The following ADGRE3 variants were observed in gnomAD, a reference collection of about 807,000 sequenced individuals.
ADGRE3 encodes EGF-like module receptor 3.
In ADGRE3, 88 loss-of-function variants were observed where a neutral mutation model predicts 80.1. The ratio of observed to expected loss-of-function variants is 1.10; its 90% CI spans 0.93 to 1.31. The LOEUF is 1.31. Ranked by LOEUF, ADGRE3 falls within the 40% of genes most tolerant of loss-of-function variation. The pLI is 0.00. For synonymous variants in ADGRE3, 281 were observed against 294.8 expected (o/e 0.95, Z 0.48); for missense variants, 715 against 776.5 (o/e 0.92, Z 0.94).
At chr19:14,652,609 A>G (rs74529297) in intron 6 of ADGRE3, among the ~76,000 whole-genome samples, 1 of 151,688 alleles carries the variant, frequency 6.6e-6, no homozygotes, top group Non-Finnish European at 1.5e-5. Context: ...GTGAAATCCC[A>G]TTCTACTAAT....
At chr19:14,618,212 A>G (rs1279784861), downstream of ADGRE3, among the ~76,000 whole-genome samples, 2 of 152,154 alleles carry the variant, frequency 1.3e-5, no homozygotes, top group African/African-American at 4.8e-5. Context: ...TAATTAATAT[A>G]CGATTACCTC....
intron 12 of ADGRE3, 51 bp downstream of exon 12, chr19:14,633,185 G>C (rs1462736288): frequency 6.6e-7 from 1 of 1,517,340 alleles, no homozygotes; most frequent in Admixed American, 1.7e-5. Flanking sequence ...CTTGTACCCA[G>C]CACTTCTCTT....
In ADGRE3 at chr19:14,620,566, ATATTTTTTTTTTTT is replaced by A. The variant is rs1970569949; in HGVS notation, c.1921-1109_1921-1096del. 3.2e-3 allele frequency among the ~76,000 whole-genome samples: 52 copies of A among 16,048 alleles called. 10 individuals are homozygous for A. In the East Asian group the frequency reaches 0.033, roughly 10 times the overall value. The allele number at this position is 16,048 out of a possible 152,430, so 10.5% of individuals were successfully genotyped here. ...ATATATATTATATATATATATATATATATTTTTTTTTTTTTTTTTTTTTTTTTTTTTGAGACAGG... is the reference window on the plus strand; with the variant it reads ...ATATATATTATATATATATATATATATTTTTTTTTTTTTTTTTGAGACAGG... On this transcript the variant is annotated intron_variant, in intron 15 of 15. Transcript: ENST00000253673.
chr19:14,668,063 G>A (rs1019005651), intron 2 of ADGRE3, among the ~76,000 whole-genome samples: 1 of 152,092 alleles, frequency 6.6e-6, no homozygotes, highest in African/African-American at 2.4e-5. Context: ...AGACCAGCCT[G>A]GGTGTCATGG....
chr19:14,639,791 C>T (rs1199497305), intron 10 of ADGRE3, among the ~76,000 whole-genome samples: 1 of 152,100 alleles, frequency 6.6e-6, no homozygotes, highest in Admixed American at 6.5e-5. Context: ...CCCCTATTTG[C>T]CTAAAAGCAG....
downstream of ADGRE3, among the ~76,000 whole-genome samples, chr19:14,617,414 T>A (rs1305129973): frequency 6.8e-6 from 1 of 147,998 alleles, no homozygotes; most frequent in Non-Finnish European, 1.5e-5. Context: ...TTTCTCTCTT[T>A]CTTGATGGAG....
intron 3 of ADGRE3, 54 bp from the exon 4 acceptor site, chr19:14,662,172 G>C: frequency 6.4e-7 from 1 of 1,572,388 alleles, no homozygotes; most frequent in Non-Finnish European, 8.7e-7. Flanking sequence ...TTATTGAGCA[G>C]CTACTATGTG....
chr19:14,620,627 T>C (rs1041251899), intron 15 of ADGRE3, among the ~76,000 whole-genome samples: 2 of 122,144 alleles, frequency 1.6e-5, no homozygotes, highest in Non-Finnish European at 3.3e-5. Flanking sequence ...TCACCCAGGC[T>C]GGAGTGCAGT....
chr19:14,600,307 T>A, the ADGRE3 span: 1 of 1,154,084 alleles, frequency 8.7e-7, no homozygotes, highest in Non-Finnish European at 1.2e-6. Context: ...ACTAAAACTT[T>A]AACAGCAAGC....
chr19:14,617,341 C>CCTCCCTCTCTTTCTTT, downstream of ADGRE3, among the ~76,000 whole-genome samples: 400 of 57,258 alleles, frequency 7.0e-3, 5 homozygotes, highest in African/African-American at 0.015. Flanking sequence ...TCCCTCCCTC[C>CCTCCCTCTCTTTCTTT]CTTTCTTTCT....
At chr19:14,653,892 C>A (rs1038235694) in intron 6 of ADGRE3, among the ~76,000 whole-genome samples, 3 of 151,462 alleles carry the variant, frequency 2.0e-5, no homozygotes, top group African/African-American at 7.3e-5. Context: ...TATCCAGATT[C>A]CAGTTTTCCA....
intron 1 of ADGRE3, 59 bp downstream of exon 1, chr19:14,674,687 C>G (rs1430473300): frequency 1.3e-6 from 2 of 1,559,000 alleles, no homozygotes; most frequent in Non-Finnish European, 1.8e-6. Context: ...ATTGTTGAAC[C>G]AAGTGGTCCC....
At chr19:14,672,835 G>A (rs1170655876) in intron 1 of ADGRE3, among the ~76,000 whole-genome samples, 1 of 151,704 alleles carries the variant, frequency 6.6e-6, no homozygotes, top group African/African-American at 2.4e-5. Flanking sequence ...GTCTGGTCTT[G>A]AACTCCTGGC....
At chr19:14,647,633 G>A (rs530496356) in intron 7 of ADGRE3, among the ~76,000 whole-genome samples, 1 of 151,328 alleles carries the variant, frequency 6.6e-6, no homozygotes, top group Non-Finnish European at 1.5e-5. Flanking sequence ...GGCCAGGCTG[G>A]TCTCAAACTC....
intron 13 of ADGRE3, among the ~76,000 whole-genome samples, chr19:14,631,380 A>G (rs1240547995): frequency 6.6e-6 from 1 of 151,434 alleles, no homozygotes. Context: ...AATAAAAATA[A>G]TAATAAAAAA....
chr19:14,642,958 G>T (rs35805282), intron 9 of ADGRE3, among the ~76,000 whole-genome samples: 21,322 of 152,100 alleles, frequency 0.14, 1,675 homozygotes, highest in Admixed American at 0.19. Flanking sequence ...TAACAGGATT[G>T]CTGGGTTGAA....
At position 14,644,214 on chromosome 19, in the gene ADGRE3, T is replaced by G; in HGVS notation, c.944A>C (p.Gln315Pro). Residue 315 changes from glutamine (Q) to proline (P), a missense_variant, in exon 9 of 16, where the codon CAG (glutamine) becomes CCG (proline). Physicochemically the swap from Gln to Pro is moderately conservative, Grantham distance 76. Transcript: ENST00000253673. ...CAGGAAGCAGCCATCCCTGGACCAC[T>G]GGCTGCCCTGCCCTGTGCTCTTCCA... is the stretch of plus-strand genomic sequence containing the variant. ...VYWKSTGQGS[Q>P]WSRDGCFLIH... 1 of 1,608,158 alleles carries G rather than the reference T, an allele frequency of 6.2e-7. No homozygotes were observed. The highest frequency in any genetic ancestry group is 8.5e-7 in the Non-Finnish European group (1 of 1,177,382).
intron 8 of ADGRE3, among the ~76,000 whole-genome samples, chr19:14,645,894 C>T (rs2146851619): frequency 6.6e-6 from 1 of 152,184 alleles, no homozygotes; most frequent in Admixed American, 6.5e-5. Flanking sequence ...GTCCCTTGAG[C>T]CCAGGAGTCC....
At chr19:14,629,985 C>A in intron 14 of ADGRE3, 54 bp downstream of exon 14, 1 of 1,319,934 alleles carries the variant, frequency 7.6e-7, no homozygotes, top group Non-Finnish European at 1.0e-6. Flanking sequence ...CCATTGAACT[C>A]CATTTCCAAA....
Sources: gnomAD v4.1 joint callset for allele counts (sites outside exome capture counted in the v4.1 genomes callset) on GRCh38, gnomAD v4.1.1 for gene constraint, MANE v1.5 for transcripts, NCBI Gene and HGNC (gene_info 2026-07-23, HGNC 2026-07-21) for gene names.